The following TBC1D22A variants were observed in gnomAD, a reference collection of about 807,000 sequenced individuals.
TBC1D22A encodes putative GTPase activator.
In TBC1D22A, 38 loss-of-function variants were observed where a neutral mutation model predicts 60.2. The observed-to-expected ratio is 0.63, with a 90% CI of 0.49 to 0.83. The LOEUF (loss-of-function observed/expected upper bound fraction) is 0.83. TBC1D22A is among the 40% of genes least tolerant of loss of function. The probability of loss-of-function intolerance (pLI) is 0.00; values close to 1 mark genes in which losing one functional copy is unlikely to be tolerated. For synonymous variants in TBC1D22A, 302 were observed against 281.7 expected, an observed-to-expected ratio of 1.07 and a Z score of -0.72; for missense variants, 628 against 701.0, an observed-to-expected ratio of 0.90 and a Z score of 1.18.
At position 47,001,449 on chromosome 22, in the gene TBC1D22A, A is replaced by G. The variant is rs1214885319; in HGVS notation, c.1201+3740A>G. Among the ~76,000 whole-genome samples the G allele has an allele frequency of 5.1e-5, 7 of 138,584 alleles. No homozygotes were observed. In the East Asian group the frequency reaches 1.5e-3, roughly 29 times the overall value. The allele number at this position is 138,584 out of a possible 152,430, so 90.9% of individuals were successfully genotyped here. A position where few individuals can be genotyped will look rare whatever the true frequency, so the allele number is the denominator to read the frequency against. The stretch of plus-strand genomic sequence containing the variant: ...ACAAGAGTGAAACTCTATCTCAAAA[A>G]AGAAAAAAAAAAAAAAAAAAAGTTG... On this transcript the variant is annotated intron_variant, in intron 10 of 12. Coordinates refer to ENST00000337137, the MANE Select transcript of TBC1D22A (RefSeq NM_014346.5).
chr22:46,774,918 G>A (rs905465506), intron 1 of TBC1D22A, among the ~76,000 whole-genome samples: 15 of 152,354 alleles, frequency 9.8e-5, no homozygotes, highest in South Asian at 8.3e-4. Context: ...TAAGTGTGCC[G>A]TGCAGCTTTC....
In TBC1D22A at chr22:47,140,624, G is replaced by C. The variant is rs142594625; in HGVS notation, c.1425+29021G>C. Among the ~76,000 whole-genome samples, 9 of 152,282 alleles carry C rather than the reference G, an allele frequency of 5.9e-5. No individual in the cohort carries two copies. In the South Asian group the frequency reaches 1.0e-3, roughly 18 times the overall value. ...TGTGGCACCCATTTCAGGAGACAAGGCTCGTTTATCCGGAAGCTGGCCTTG... is the reference window on the plus strand; with the variant it reads ...TGTGGCACCCATTTCAGGAGACAAGCCTCGTTTATCCGGAAGCTGGCCTTG... On this transcript the variant is annotated intron_variant, in intron 12 of 12. Transcript: ENST00000337137.
intron 5 of TBC1D22A, among the ~76,000 whole-genome samples, chr22:46,879,503 A>G (rs2067743201): frequency 6.6e-6 from 1 of 151,744 alleles, no homozygotes; most frequent in Non-Finnish European, 1.5e-5. Flanking sequence ...AGTATTTAAG[A>G]CTCTTTCTGG....
intron 1 of TBC1D22A, among the ~76,000 whole-genome samples, chr22:46,790,718 C>G (rs1300667447): frequency 6.6e-6 from 1 of 152,124 alleles, no homozygotes; most frequent in Non-Finnish European, 1.5e-5. Flanking sequence ...CCACTGTTCT[C>G]TTGTTGAATG....
chr22:46,794,686 C>T (rs765308469), intron 3 of TBC1D22A, among the ~76,000 whole-genome samples: 12 of 152,194 alleles, frequency 7.9e-5, no homozygotes, highest in Non-Finnish European at 1.2e-4. Context: ...TGGGAGGCAG[C>T]AGGTGCCACG....
At chr22:46,877,424 A>C (rs2067617479) in intron 4 of TBC1D22A, among the ~76,000 whole-genome samples, 1 of 152,168 alleles carries the variant, frequency 6.6e-6, no homozygotes, top group South Asian at 2.1e-4. Context: ...TAATCAGAAA[A>C]CCAGAGTTAT....
chr22:47,134,512 C>T (rs1253808916), intron 12 of TBC1D22A, among the ~76,000 whole-genome samples: 2 of 152,230 alleles, frequency 1.3e-5, no homozygotes, highest in Non-Finnish European at 2.9e-5. Context: ...TGTTGACAGG[C>T]AGCGAAACTT....
chr22:46,825,288 G>A (rs909913058), intron 4 of TBC1D22A, among the ~76,000 whole-genome samples: 3 of 151,992 alleles, frequency 2.0e-5, no homozygotes, highest in Non-Finnish European at 4.4e-5. Flanking sequence ...TCTGAACCCC[G>A]CCGTGCCCAT....
Position 47,035,721 on chromosome 22 carries a change from C to T in TBC1D22A, c.1202-1350C>T, listed in dbSNP as rs556005130. On this transcript the variant is annotated intron_variant, in intron 10 of 12. Coordinates refer to ENST00000337137, the MANE Select transcript of TBC1D22A (RefSeq NM_014346.5). Reference sequence around the variant, plus strand: ...GTCCCATCATGGGACCAGAGCTGCCCATGCTTTTCCAGGGCCAGCTTAGTG... The same window carrying T: ...GTCCCATCATGGGACCAGAGCTGCCTATGCTTTTCCAGGGCCAGCTTAGTG... Among the ~76,000 whole-genome samples, 4 of 152,266 alleles carry T rather than the reference C, an allele frequency of 2.6e-5. No individual in the cohort carries two copies. In the East Asian group the frequency reaches 5.8e-4, roughly 22 times the overall value.
At chr22:47,134,256 C>A (rs1337640986) in intron 12 of TBC1D22A, among the ~76,000 whole-genome samples, 2 of 152,242 alleles carry the variant, frequency 1.3e-5, no homozygotes, top group Admixed American at 6.5e-5. Context: ...TCCGCTCAGT[C>A]CCTGAAGAAA....
At chr22:47,141,095 G>A (rs1045569453) in intron 12 of TBC1D22A, among the ~76,000 whole-genome samples, 8 of 152,214 alleles carry the variant, frequency 5.3e-5, no homozygotes, top group African/African-American at 1.9e-4. Flanking sequence ...GGCGAAGGAG[G>A]AGCAAAGTCA....
At chr22:47,173,423 C>T in intron 12 of TBC1D22A, 75 bp from the exon 13 acceptor site, 1 of 1,580,268 alleles carries the variant, frequency 6.3e-7, no homozygotes, top group Non-Finnish European at 8.6e-7. Flanking sequence ...GTATCTTTCC[C>T]TCCAGTTTTC....
chr22:46,941,533 A>G (rs1481216705), intron 8 of TBC1D22A, among the ~76,000 whole-genome samples: 2 of 141,636 alleles, frequency 1.4e-5, no homozygotes, highest in Admixed American at 7.2e-5. Context: ...CACGGAATAT[A>G]TATACGGAAT....
intron 4 of TBC1D22A, among the ~76,000 whole-genome samples, chr22:46,825,089 G>T (rs569859431): frequency 1.3e-5 from 2 of 152,278 alleles, no homozygotes; most frequent in South Asian, 4.1e-4. Flanking sequence ...AAAGAAGGGT[G>T]GTGCCTGTGT....
chr22:46,952,862 T>C (rs974469510), intron 8 of TBC1D22A, among the ~76,000 whole-genome samples: 1 of 152,196 alleles, frequency 6.6e-6, no homozygotes, highest in African/African-American at 2.4e-5. Context: ...ACCACCCCGT[T>C]GTCTCCTGCC....
rs570274472 is a variant in TBC1D22A, at chr22:46,809,688, G to A, written c.637+12068G>A. Among the ~76,000 whole-genome samples the A allele has an allele frequency of 2.6e-5, 4 of 152,248 alleles. No individual in the cohort carries two copies. The South Asian group carries it at 8.3e-4, about 32-fold the overall frequency. On this transcript the variant is annotated intron_variant, in intron 4 of 12. Coordinates refer to ENST00000337137, the MANE Select transcript of TBC1D22A (RefSeq NM_014346.5). ...ATTTACTAACACAGTGACCTGGGCA[G>A]TGTCTTCATCTGTAGAATGGGGTAA...
chr22:46,922,626 C>T (rs2070821110), intron 8 of TBC1D22A, among the ~76,000 whole-genome samples: 1 of 152,034 alleles, frequency 6.6e-6, no homozygotes, highest in Admixed American at 6.6e-5. Flanking sequence ...TTTTGTAATT[C>T]TCATTGTAGA....
chr22:47,080,505 C>G (rs1241910431), intron 11 of TBC1D22A, among the ~76,000 whole-genome samples: 7 of 151,828 alleles, frequency 4.6e-5, no homozygotes, highest in Admixed American at 4.6e-4. Flanking sequence ...ATCCGCGATT[C>G]AAAGAAGTCA....
chr22:46,900,158 T>C (rs9616143), intron 7 of TBC1D22A, among the ~76,000 whole-genome samples: 87,359 of 150,894 alleles, frequency 0.58, 27,515 homozygotes, highest in Middle Eastern at 0.78. Flanking sequence ...GGTTTTTTTT[T>C]TTTTTTTTGA....
Sources: allele counts gnomAD v4.1 joint callset (sites outside exome capture counted in the v4.1 genomes callset), GRCh38; gene constraint gnomAD v4.1.1; transcripts MANE v1.5; gene names NCBI Gene and HGNC (gene_info 2026-07-23, HGNC 2026-07-21).